Variants in NEDD4L observed in about 807,000 individuals in gnomAD.
The protein encoded by NEDD4L is NEDD4 like E3 ubiquitin protein ligase.
In NEDD4L, 54 loss-of-function variants were observed where a neutral mutation model predicts 148.9. The observed-to-expected ratio is 0.36, with a 90% CI of 0.29 to 0.45. The LOEUF is 0.45. Ranked by LOEUF, NEDD4L falls within the 20% of genes least tolerant of loss-of-function variation. NEDD4L has a pLI of 1.00. For synonymous variants in NEDD4L, 433 were observed against 440.7 expected, an observed-to-expected ratio of 0.98 and a Z score of 0.22; for missense variants, 856 against 1,233.8, an observed-to-expected ratio of 0.69 and a Z score of 4.59.
At chr18:58,171,356 G>GC (rs1313181703) in intron 2 of NEDD4L, among the ~76,000 whole-genome samples, 3 of 48,272 alleles carry the variant, frequency 6.2e-5, no homozygotes, top group African/African-American at 3.4e-4. Flanking sequence ...GAACACTGCT[G>GC]CCCGCCTCAT....
chr18:58,322,638 ATGCTGTGGGGATGCCTGCCCTGCG>A (rs2058920422), intron 7 of NEDD4L, among the ~76,000 whole-genome samples, 152 bp downstream of exon 7: 3 of 105,172 alleles, frequency 2.9e-5, no homozygotes, highest in Non-Finnish European at 1.8e-5. Context: ...CCTGCCCTGC[ATGCTGTGGGGATGCCTGCCCTGCG>A]TGCTGTGGGT....
chr18:58,359,318 G>A (rs1207640634), intron 19 of NEDD4L, among the ~76,000 whole-genome samples: 3 of 151,792 alleles, frequency 2.0e-5, no homozygotes, highest in Non-Finnish European at 4.4e-5. Flanking sequence ...CTATGTGCTT[G>A]CAGGCTGTAC....
chr18:58,186,157 G>C (rs140522371), intron 2 of NEDD4L, among the ~76,000 whole-genome samples: 1 of 152,194 alleles, frequency 6.6e-6, no homozygotes, highest in African/African-American at 2.4e-5. Flanking sequence ...TGACGGAGTC[G>C]CAGATTAGAA....
intron 1 of NEDD4L, among the ~76,000 whole-genome samples, chr18:58,087,207 G>A (rs1310501691): frequency 1.3e-5 from 2 of 152,190 alleles, no homozygotes; most frequent in Admixed American, 6.5e-5. Context: ...GCTACATTCA[G>A]CCATCTCCTT....
chr18:58,249,008 T>C (rs1242515021), intron 4 of NEDD4L, 71 bp downstream of exon 4: 1 of 736,760 alleles, frequency 1.4e-6, no homozygotes, highest in East Asian at 2.9e-5. Context: ...CAATTCATCT[T>C]GAGGAAAAGC....
chr18:58,357,500 C>T, intron 19 of NEDD4L: 1 of 655,702 alleles, frequency 1.5e-6, no homozygotes, highest in Non-Finnish European at 2.8e-6. Flanking sequence ...AAACATTTTT[C>T]TTCTCCTTTA....
chr18:58,348,867 C>A (rs1001725594), intron 16 of NEDD4L, among the ~76,000 whole-genome samples: 4 of 152,146 alleles, frequency 2.6e-5, no homozygotes, highest in African/African-American at 9.6e-5. Flanking sequence ...TCTTATGAAG[C>A]TTATGCTTTA....
chr18:58,044,844 G>A lies in NEDD4L; in HGVS notation c.48+136G>A. On this transcript the variant is annotated intron_variant, in intron 1 of 30. Transcript: ENST00000400345. ...GGGAGCCCCAAAGCGGGAGCGCCCCGGAGCGGGATCCAGGGGAGCTTGGGT... is the reference window on the plus strand; with the variant it reads ...GGGAGCCCCAAAGCGGGAGCGCCCCAGAGCGGGATCCAGGGGAGCTTGGGT... The A allele has an allele frequency of 4.5e-6, 5 of 1,103,924 alleles. No homozygotes were observed. The East Asian group carries it at 1.2e-4, about 28-fold the overall frequency. The allele number at this position is 1,103,924 out of a possible 1,614,324, so 68.4% of individuals were successfully genotyped here.
chr18:58,309,455 G>A (rs977769714), intron 5 of NEDD4L, among the ~76,000 whole-genome samples: 1 of 152,252 alleles, frequency 6.6e-6, no homozygotes, highest in African/African-American at 2.4e-5. Flanking sequence ...CCTGTCCAGA[G>A]CTCCAAAGCC....
At chr18:58,177,863 G>A (rs1192377632) in intron 2 of NEDD4L, among the ~76,000 whole-genome samples, 1 of 152,152 alleles carries the variant, frequency 6.6e-6, no homozygotes, top group Non-Finnish European at 1.5e-5. Context: ...AGATTTTAAA[G>A]GTTATTTATA....
intron 1 of NEDD4L, among the ~76,000 whole-genome samples, chr18:58,065,310 T>C (rs530357838): frequency 1.3e-5 from 2 of 152,348 alleles, no homozygotes; most frequent in South Asian, 4.1e-4. Context: ...ATTGCTTTTG[T>C]TGTATTGTTT....
intron 1 of NEDD4L, among the ~76,000 whole-genome samples, chr18:58,079,671 G>A (rs2145071089): frequency 6.6e-6 from 1 of 152,318 alleles, no homozygotes; most frequent in Middle Eastern, 3.4e-3. Flanking sequence ...GCATTTGTGG[G>A]CTTCAAGAAT....
At chr18:58,076,663 C>T (rs573561692) in intron 1 of NEDD4L, among the ~76,000 whole-genome samples, 5 of 152,064 alleles carry the variant, frequency 3.3e-5, no homozygotes, top group African/African-American at 9.6e-5. Context: ...AGCGGGCGGG[C>T]GGGCTGGAGT....
intron 1 of NEDD4L, among the ~76,000 whole-genome samples, chr18:58,047,966 T>C (rs149302665): frequency 6.6e-6 from 1 of 152,242 alleles, no homozygotes; most frequent in Non-Finnish European, 1.5e-5. Context: ...CAGCTTCTTA[T>C]CACATTAGAT....
chr18:58,311,828 G>A (rs1275051414), intron 5 of NEDD4L, among the ~76,000 whole-genome samples: 1 of 152,198 alleles, frequency 6.6e-6, no homozygotes, highest in East Asian at 1.9e-4. Flanking sequence ...TTGACCTAGT[G>A]TGCACTCCCA....
At chr18:58,053,930 T>C (rs1480437294) in intron 1 of NEDD4L, among the ~76,000 whole-genome samples, 2 of 152,204 alleles carry the variant, frequency 1.3e-5, no homozygotes, top group Non-Finnish European at 2.9e-5. Flanking sequence ...TTTAGTTTTA[T>C]GTTTTGGCAA....
intron 1 of NEDD4L, among the ~76,000 whole-genome samples, chr18:58,142,001 C>T (rs1178521890): frequency 1.5e-5 from 2 of 129,510 alleles, no homozygotes; most frequent in African/African-American, 2.8e-5. Context: ...GTTTTGTCTA[C>T]CCCACCCCCC....
intron 6 of NEDD4L, 38 bp downstream of exon 6, chr18:58,316,070 G>T: frequency 3.9e-6 from 6 of 1,550,134 alleles, no homozygotes; most frequent in Non-Finnish European, 5.3e-6. Context: ...CGTGCTGGGG[G>T]CGGGGGTTTC....
chr18:58,324,894 G>C lies in NEDD4L; in HGVS notation c.514-102G>C, dbSNP rs1601258337. 18 of 1,088,392 alleles carry C rather than the reference G, an allele frequency of 1.7e-5. No individual in the cohort carries two copies. In the East Asian group the frequency reaches 4.3e-4, roughly 26 times the overall value. 67.4% of individuals were successfully genotyped at this position (1,088,392 alleles called of 1,614,324 possible). A position where few individuals can be genotyped will look rare whatever the true frequency, so the allele number is the denominator to read the frequency against. ...CCGAAGCCATGGCTAGAGCCAGAGA[G>C]CCCCAGAGCAAGGAGAAGGGCATGC... On this transcript the variant is annotated intron_variant, in intron 8 of 30. Coordinates refer to ENST00000400345, the MANE Select transcript of NEDD4L (RefSeq NM_001144967.3).
Sources: allele counts gnomAD v4.1 joint callset (sites outside exome capture counted in the v4.1 genomes callset), GRCh38; gene constraint gnomAD v4.1.1; transcripts MANE v1.5; gene names NCBI Gene and HGNC (gene_info 2026-07-23, HGNC 2026-07-21).